Variants in MAP3K9 observed in about 807,000 individuals in gnomAD.
MAP3K9 encodes mitogen-activated protein kinase kinase kinase 9, also known as mixed lineage kinase 1 (tyr and ser/thr specificity).
MAP3K9 carries 46 observed loss-of-function variants against 95.8 expected under a neutral mutation model. The ratio of observed to expected loss-of-function variants is 0.48; its 90% CI spans 0.38 to 0.61. MAP3K9 has a LOEUF of 0.61. Ranked by LOEUF, MAP3K9 falls within the 20% of genes least tolerant of loss-of-function variation. The probability of loss-of-function intolerance (pLI) is 0.00; values close to 1 mark genes in which losing one functional copy is unlikely to be tolerated. For missense variants in MAP3K9, 1,296 were observed against 1,474.3 expected, an observed-to-expected ratio of 0.88 and a Z score of 1.98; for synonymous variants, 533 against 593.8, an observed-to-expected ratio of 0.90 and a Z score of 1.49.
At position 70,732,532 on chromosome 14, in the gene MAP3K9, G is replaced by C. The variant is rs750181395; in HGVS notation, c.2830+7C>G. 107 of 1,538,634 alleles carry C rather than the reference G, an allele frequency of 7.0e-5. 1 individual carries two copies. Among genetic ancestry groups the C allele is most frequent in the Non-Finnish European group, 9.2e-5 (105 of 1,144,118 alleles). On this transcript the variant is annotated splice_region_variant and intron_variant, in intron 11 of 11. Coordinates refer to ENST00000554752, the MANE Select transcript of MAP3K9 (RefSeq NM_001284230.2). ...GAAAGGAAAGAGAAAAGAGGAAGAA[G>C]ACTCACCTGCTCCAGGACTGGGGCT...
chr14:70,779,689 G>A (rs891711860), intron 2 of MAP3K9, among the ~76,000 whole-genome samples: 4 of 152,134 alleles, frequency 2.6e-5, no homozygotes, highest in African/African-American at 9.7e-5. Context: ...CTAGAAACAG[G>A]GTTCCTTCAT....
intron 2 of MAP3K9, among the ~76,000 whole-genome samples, chr14:70,798,772 C>A (rs866831990): frequency 6.6e-6 from 1 of 152,098 alleles, no homozygotes; most frequent in African/African-American, 2.4e-5. Context: ...GCCACCGCGC[C>A]CGGCCCAAAA....
intron 5 of MAP3K9, among the ~76,000 whole-genome samples, chr14:70,744,038 T>C (rs1326420220): frequency 2.0e-5 from 3 of 152,030 alleles, no homozygotes; most frequent in Non-Finnish European, 4.4e-5. Flanking sequence ...AAAGGATGAG[T>C]TCGTGTCTTT....
At chr14:70,739,933 T>A in intron 7 of MAP3K9, 109 bp downstream of exon 7, 1 of 1,613,868 alleles carries the variant, frequency 6.2e-7, no homozygotes, top group South Asian at 1.1e-5. Flanking sequence ...CGAGGAGAGG[T>A]GGCAGAAGTT....
intron 6 of MAP3K9, 25 bp downstream of exon 6, chr14:70,742,326 T>A: frequency 6.2e-7 from 1 of 1,608,368 alleles, no homozygotes; most frequent in Non-Finnish European, 8.5e-7. Flanking sequence ...TGCTCCCACT[T>A]CCCAGCCAGT....
chr14:70,730,786 G>C lies in MAP3K9; in HGVS notation c.2909C>G (p.Pro970Arg). 6.2e-7 allele frequency: 1 copy of C among 1,613,474 alleles called. No homozygotes were observed. Among genetic ancestry groups the C allele is most frequent in the Non-Finnish European group, 8.5e-7 (1 of 1,179,964 alleles). Residue 970 changes from proline (P) to arginine (R), a missense_variant, in exon 12 of 12, where the codon CCA becomes CGA. Transcript: ENST00000554752. ...RLPDPNVVFPPTPRRWNTQQD... is the reference protein window; with the variant it reads ...RLPDPNVVFPRTPRRWNTQQD... ...CTGAGTGTTCCAGCGCCTTGGGGTT[G>C]GGGGGAAGACCACATTGGGGTCAGG...
At chr14:70,805,235 A>T (rs1031037028) in intron 1 of MAP3K9, among the ~76,000 whole-genome samples, 3 of 152,250 alleles carry the variant, frequency 2.0e-5, no homozygotes, top group Non-Finnish European at 4.4e-5. Context: ...TGAATGTTAT[A>T]TACTTCACTC....
At chr14:70,800,482 C>G (rs939797451) in intron 2 of MAP3K9, among the ~76,000 whole-genome samples, 185 bp downstream of exon 2, 1 of 152,096 alleles carries the variant, frequency 6.6e-6, no homozygotes, top group African/African-American at 2.4e-5. Context: ...CCTCTTTCCT[C>G]TCTTCCTAAA....
At chr14:70,778,339 C>T (rs1482126681) in intron 2 of MAP3K9, among the ~76,000 whole-genome samples, 2 of 150,654 alleles carry the variant, frequency 1.3e-5, no homozygotes, top group Non-Finnish European at 2.9e-5. Context: ...TGTCACGACG[C>T]GATCTCTGCT....
At chr14:70,749,772 A>G in intron 4 of MAP3K9, 161 bp downstream of exon 4, 1 of 753,334 alleles carries the variant, frequency 1.3e-6, no homozygotes, top group Non-Finnish European at 2.1e-6. Context: ...TGTGGATGTC[A>G]TCTTGAAGAA....
intron 2 of MAP3K9, among the ~76,000 whole-genome samples, chr14:70,769,638 C>T (rs2054504337): frequency 6.6e-6 from 1 of 152,202 alleles, no homozygotes; most frequent in Middle Eastern, 3.2e-3. Context: ...TTCTTTGACC[C>T]TTCTAGCTTC....
At chr14:70,765,421 A>G (rs552916593) in intron 2 of MAP3K9, 1 of 686,096 alleles carries the variant, frequency 1.5e-6, no homozygotes, top group East Asian at 2.7e-5. Context: ...AGGTCTTCAC[A>G]TTCACTCACC....
intron 8 of MAP3K9, among the ~76,000 whole-genome samples, 167 bp downstream of exon 8, chr14:70,738,078 G>C (rs895581298): frequency 6.6e-6 from 1 of 152,150 alleles, no homozygotes; most frequent in African/African-American, 2.4e-5. Flanking sequence ...GTTCTAGGAC[G>C]TTCCAGGAAC....
intron 2 of MAP3K9, among the ~76,000 whole-genome samples, chr14:70,790,311 T>A (rs1231756461): frequency 6.6e-6 from 1 of 152,226 alleles, no homozygotes; most frequent in Non-Finnish European, 1.5e-5. Context: ...CATAGCAGCC[T>A]GACATGCACA....
At position 70,800,713 on chromosome 14, in the gene MAP3K9, A is replaced by T; in HGVS notation, c.774T>A (p.Asp258Glu). The change falls in exon 2 of 12, where the codon GAT becomes GAA. Residue 258 changes from aspartate to glutamate, a missense_variant. By Grantham distance (45) the Asp-to-Glu change is conservative. Coordinates refer to ENST00000554752, the MANE Select transcript of MAP3K9 (RefSeq NM_001284230.2). ...GGTGGATGATGGGAACAATTGCCTC[A>T]TCATGTAAGTAGTTCATCCCTCTGG... is the stretch of plus-strand genomic sequence containing the variant. Reference protein sequence around the residue: ...QIARGMNYLHDEAIVPIIHRD... With the variant: ...QIARGMNYLHEEAIVPIIHRD... 1 of 1,614,150 alleles carries T rather than the reference A, an allele frequency of 6.2e-7. No individual in the cohort carries two copies. The highest frequency in any genetic ancestry group is 8.5e-7 in the Non-Finnish European group (1 of 1,180,022).
chr14:70,809,248 C>A lies in MAP3K9; in HGVS notation c.-77G>T, dbSNP rs1251283406. 30 of 1,274,394 alleles carry A rather than the reference C, an allele frequency of 2.4e-5. No homozygotes were observed. In the East Asian group the frequency reaches 4.4e-4, roughly 19 times the overall value. 78.9% of individuals were successfully genotyped at this position (1,274,394 alleles called of 1,614,324 possible). ...GCCGCCTATTGTTCATGCGCCTCCG[C>A]AGAGCTGGGAGGACCCCCCCCCAAC... On this transcript the variant is annotated 5_prime_UTR_variant, in exon 1 of 12. Coordinates refer to ENST00000554752, the MANE Select transcript of MAP3K9 (RefSeq NM_001284230.2).
intron 8 of MAP3K9, among the ~76,000 whole-genome samples, chr14:70,736,292 C>G (rs1012298417): frequency 2.0e-5 from 3 of 152,164 alleles, no homozygotes; most frequent in Non-Finnish European, 4.4e-5. Flanking sequence ...AGTCTATAGA[C>G]AGGTATGCAT....
At chr14:70,790,484 TC>T (rs1238920870) in intron 2 of MAP3K9, among the ~76,000 whole-genome samples, 4 of 152,326 alleles carry the variant, frequency 2.6e-5, no homozygotes, top group African/African-American at 4.8e-5. Context: ...ACCCGGCCAG[TC>T]AGTGTCAAGG....
At chr14:70,743,661 A>C (rs2054106480) in intron 5 of MAP3K9, among the ~76,000 whole-genome samples, 1 of 152,260 alleles carries the variant, frequency 6.6e-6, no homozygotes, top group South Asian at 2.1e-4. Flanking sequence ...GTGAGATACC[A>C]TCTCACACTA....
Sources: allele counts gnomAD v4.1 joint callset (sites outside exome capture counted in the v4.1 genomes callset), GRCh38; gene constraint gnomAD v4.1.1; transcripts MANE v1.5; gene names NCBI Gene and HGNC (gene_info 2026-07-23, HGNC 2026-07-21).